The following PCDHA12 variants were observed in gnomAD, a reference collection of about 807,000 sequenced individuals.
The protein encoded by PCDHA12 is protocadherin alpha-12.
Under a neutral mutation model 60.0 loss-of-function variants are expected in PCDHA12, and 44 were observed. The observed-to-expected ratio is 0.73, with a 90% CI of 0.58 to 0.94. The LOEUF is 0.94. Among genes scored for constraint, PCDHA12 ranks in the 40% least tolerant of loss-of-function variants. The probability of loss-of-function intolerance (pLI) is 0.00; values close to 1 mark genes in which losing one functional copy is unlikely to be tolerated. For missense variants in PCDHA12, 1,276 were observed against 1,239.7 expected, an observed-to-expected ratio of 1.03 and a Z score of -0.44; for synonymous variants, 569 against 553.0, an observed-to-expected ratio of 1.03 and a Z score of -0.40.
intron 1 of PCDHA12, among the ~76,000 whole-genome samples, chr5:140,918,702 G>A (rs2078814490): frequency 6.6e-6 from 1 of 152,150 alleles, no homozygotes; most frequent in Non-Finnish European, 1.5e-5. Flanking sequence ...ATTAAGTCAT[G>A]AGGGCAGAGC....
intron 1 of PCDHA12, among the ~76,000 whole-genome samples, chr5:140,885,682 A>G (rs1367880744): frequency 6.6e-6 from 1 of 152,194 alleles, no homozygotes; most frequent in Non-Finnish European, 1.5e-5. Flanking sequence ...TTCTATCTCA[A>G]GAAGCAATAG....
At chr5:140,882,688 AATC>A in intron 1 of PCDHA12, 1 of 1,614,196 alleles carries the variant, frequency 6.2e-7, no homozygotes, top group South Asian at 1.1e-5. Context: ...AGAAACGAAT[AATC>A]ATTGCAGAAT....
At chr5:140,884,312 G>A in intron 1 of PCDHA12, 1 of 1,613,768 alleles carries the variant, frequency 6.2e-7, no homozygotes, top group Non-Finnish European at 8.5e-7. Context: ...TTCGTCGAGG[G>A]CGTCGGCAGG....
intron 1 of PCDHA12, among the ~76,000 whole-genome samples, chr5:140,933,480 G>A (rs1255769578): frequency 6.6e-6 from 1 of 151,846 alleles, no homozygotes; most frequent in East Asian, 1.9e-4. Context: ...ACACATTATG[G>A]TTATTCTTTA....
intron 1 of PCDHA12, chr5:140,882,896 T>G (rs1554176010): frequency 6.2e-7 from 1 of 1,614,212 alleles, no homozygotes. Flanking sequence ...GGAACATAGT[T>G]TATTACTGAC....
At chr5:140,898,467 T>G (rs576206648) in intron 1 of PCDHA12, among the ~76,000 whole-genome samples, 147 of 152,296 alleles carry the variant, frequency 9.7e-4, no homozygotes, top group Non-Finnish European at 1.9e-3. Flanking sequence ...CATTGCTTGT[T>G]TTTCTCAGGT....
At chr5:140,924,732 T>TA (rs1333846222) in intron 1 of PCDHA12, among the ~76,000 whole-genome samples, 2 of 151,706 alleles carry the variant, frequency 1.3e-5, no homozygotes, top group African/African-American at 4.8e-5. Flanking sequence ...TCACCTCTAA[T>TA]AAAAATACAA....
chr5:140,895,315 A>C (rs541841623), intron 1 of PCDHA12, among the ~76,000 whole-genome samples: 2 of 152,036 alleles, frequency 1.3e-5, no homozygotes, highest in East Asian at 1.9e-4. Flanking sequence ...TCCACCCATG[A>C]CTATTGTTCT....
intron 3 of PCDHA12, among the ~76,000 whole-genome samples, chr5:140,987,298 G>A (rs2097247103): frequency 6.6e-6 from 1 of 152,086 alleles, no homozygotes; most frequent in South Asian, 2.1e-4. Context: ...AGCCTTCTAT[G>A]TGATACCAAT....
At chr5:140,952,654 G>T (rs541888180) in intron 1 of PCDHA12, among the ~76,000 whole-genome samples, 4 of 152,270 alleles carry the variant, frequency 2.6e-5, no homozygotes, top group African/African-American at 9.6e-5. Context: ...TGGTTACCCA[G>T]TTCCAAAGTC....
At chr5:140,967,697 G>A (rs1554229803) in intron 1 of PCDHA12, 1 of 1,614,196 alleles carries the variant, frequency 6.2e-7, no homozygotes, top group Admixed American at 1.7e-5. Flanking sequence ...CTTCAGCATA[G>A]ATGCCAGTAC....
chr5:141,004,274 A>T (rs2098160407), intron 3 of PCDHA12, among the ~76,000 whole-genome samples: 1 of 152,212 alleles, frequency 6.6e-6, no homozygotes, highest in Admixed American at 6.5e-5. Flanking sequence ...CACAGTCTAC[A>T]TGCTGCTGAG....
At chr5:140,978,726 T>C (rs1453953300) in intron 1 of PCDHA12, among the ~76,000 whole-genome samples, 2 of 152,250 alleles carry the variant, frequency 1.3e-5, no homozygotes, top group African/African-American at 4.8e-5. Flanking sequence ...TTATTAAATC[T>C]GGTCTTCCAG....
chr5:140,922,207 T>C (rs1208986922), intron 1 of PCDHA12, among the ~76,000 whole-genome samples: 3 of 152,162 alleles, frequency 2.0e-5, no homozygotes, highest in Non-Finnish European at 2.9e-5. Context: ...AATGAAACTT[T>C]GTAAAACATT....
intron 1 of PCDHA12, among the ~76,000 whole-genome samples, chr5:140,889,237 A>C (rs1181963973): frequency 6.6e-6 from 1 of 151,844 alleles, no homozygotes; most frequent in Non-Finnish European, 1.5e-5. Context: ...AACTTCCAGA[A>C]AATTTTCTGT....
chr5:140,987,078 G>T (rs1158243032), intron 3 of PCDHA12, among the ~76,000 whole-genome samples: 4 of 152,026 alleles, frequency 2.6e-5, no homozygotes, highest in Non-Finnish European at 5.9e-5. Context: ...GCTGGGCGTG[G>T]TGGCAGGTGC....
intron 1 of PCDHA12, among the ~76,000 whole-genome samples, chr5:140,937,163 G>A (rs1169573071): frequency 2.0e-5 from 3 of 150,028 alleles, no homozygotes; most frequent in East Asian, 4.0e-4. Flanking sequence ...TCAGCCTCCC[G>A]AGTAGCTGGG....
chr5:140,891,755 G>C (rs1489884923), intron 1 of PCDHA12, among the ~76,000 whole-genome samples: 2 of 152,114 alleles, frequency 1.3e-5, no homozygotes, highest in Non-Finnish European at 2.9e-5. Flanking sequence ...CAACAGTGTT[G>C]GGAGGTGGGG....
chr5:140,905,162 G>A (rs2071641359), intron 1 of PCDHA12, among the ~76,000 whole-genome samples: 1 of 152,118 alleles, frequency 6.6e-6, no homozygotes, highest in African/African-American at 2.4e-5. Flanking sequence ...GAATTTTCAT[G>A]GTTTCAGGTT....
Sources: gnomAD v4.1 joint callset for allele counts (sites outside exome capture counted in the v4.1 genomes callset) on GRCh38, gnomAD v4.1.1 for gene constraint, MANE v1.5 for transcripts, NCBI Gene and HGNC (gene_info 2026-07-23, HGNC 2026-07-21) for gene names.